The following TYW1B variants were observed in gnomAD, a reference collection of about 807,000 sequenced individuals.
TYW1B encodes the protein S-adenosyl-L-methionine-dependent tRNA 4-demethylwyosine synthase TYW1B.
In TYW1B, 73 loss-of-function variants were observed where a neutral mutation model predicts 86.9. The observed-to-expected ratio is 0.84, with a 90% confidence interval of 0.70 to 1.02. The LOEUF (loss-of-function observed/expected upper bound fraction) is 1.02. Ranked by LOEUF, TYW1B falls within the 50% of genes least tolerant of loss-of-function variation. The pLI, the probability that TYW1B is intolerant of heterozygous loss-of-function variation, is 0.00. For missense variants in TYW1B, 637 were observed against 827.4 expected (o/e 0.77, Z 2.82); for synonymous variants, 248 against 292.8 (o/e 0.85, Z 1.56).
At chr7:72,602,290 G>A (rs1210754771) in intron 13 of TYW1B, among the ~76,000 whole-genome samples, 1 of 152,156 alleles carries the variant, frequency 6.6e-6, no homozygotes, top group Non-Finnish European at 1.5e-5. Context: ...GAATAGTGAA[G>A]TAAATGGATG....
intron 6 of TYW1B, among the ~76,000 whole-genome samples, chr7:72,796,528 G>A (rs1284676112): frequency 3.3e-5 from 5 of 151,270 alleles, no homozygotes; most frequent in African/African-American, 4.9e-5. Flanking sequence ...GAGCCACCGC[G>A]CCAGGCCAAC....
intron 13 of TYW1B, among the ~76,000 whole-genome samples, chr7:72,607,407 A>G (rs1554435060): frequency 1.3e-5 from 2 of 150,914 alleles, no homozygotes; most frequent in African/African-American, 4.9e-5. Flanking sequence ...AAAAAAAAAA[A>G]AAGAAAAGAA....
intron 13 of TYW1B, among the ~76,000 whole-genome samples, chr7:72,576,554 C>T (rs1811026700): frequency 6.7e-6 from 1 of 150,280 alleles, no homozygotes. Flanking sequence ...GCTCTGTAGC[C>T]CAGGCTGGAG....
intron 1 of TYW1B, among the ~76,000 whole-genome samples, 161 bp from the exon 2 acceptor site, chr7:72,827,146 G>C (rs1258848875): frequency 6.6e-6 from 1 of 152,202 alleles, no homozygotes; most frequent in African/African-American, 2.4e-5. Context: ...AGTGGCTCAT[G>C]CCTGTAATCC....
intron 7 of TYW1B, among the ~76,000 whole-genome samples, chr7:72,775,240 G>A (rs1787934813): frequency 6.6e-6 from 1 of 152,170 alleles, no homozygotes; most frequent in African/African-American, 2.4e-5. Flanking sequence ...TGGGTGGGGA[G>A]GAGAATATTT....
chr7:72,682,967 G>C (rs1159315005), intron 11 of TYW1B, among the ~76,000 whole-genome samples: 1 of 152,186 alleles, frequency 6.6e-6, no homozygotes, highest in Non-Finnish European at 1.5e-5. Context: ...AATATACAGG[G>C]GGAAATCCCT....
At chr7:72,808,550 G>A (rs1215100623) in intron 4 of TYW1B, among the ~76,000 whole-genome samples, 4 of 131,196 alleles carry the variant, frequency 3.0e-5, no homozygotes, top group African/African-American at 5.7e-5. Flanking sequence ...TTTTTGAGAC[G>A]GAGTTTCACT....
intron 11 of TYW1B, among the ~76,000 whole-genome samples, chr7:72,653,502 G>A (rs1386975254): frequency 6.6e-6 from 1 of 152,090 alleles, no homozygotes; most frequent in Non-Finnish European, 1.5e-5. Flanking sequence ...AGCTACATGG[G>A]AGGCTGAGGC....
At chr7:72,782,129 A>AT (rs1554471752) in intron 6 of TYW1B, among the ~76,000 whole-genome samples, 2 of 151,854 alleles carry the variant, frequency 1.3e-5, no homozygotes, top group East Asian at 1.9e-4. Flanking sequence ...ACAAAAAAAA[A>AT]TTTTTTTTAA....
chr7:72,691,563 A>G (rs1467480553), intron 11 of TYW1B, among the ~76,000 whole-genome samples: 2 of 152,180 alleles, frequency 1.3e-5, no homozygotes, highest in African/African-American at 4.8e-5. Context: ...CAAAGACAGG[A>G]AGTAAACTAT....
At chr7:72,609,098 C>G (rs545295738) in intron 13 of TYW1B, among the ~76,000 whole-genome samples, 1 of 152,276 alleles carries the variant, frequency 6.6e-6, no homozygotes, top group South Asian at 2.1e-4. Flanking sequence ...TACCTGAGAC[C>G]TTTCTGTACC....
intron 11 of TYW1B, among the ~76,000 whole-genome samples, chr7:72,650,932 T>C (rs184271784): frequency 2.6e-3 from 399 of 152,332 alleles, no homozygotes; most frequent in Non-Finnish European, 4.7e-3. Flanking sequence ...ATTCAATGCA[T>C]TCTAATCAAT....
chr7:72,771,847 T>A (rs1554469687), intron 7 of TYW1B, among the ~76,000 whole-genome samples: 1 of 151,068 alleles, frequency 6.6e-6, no homozygotes, highest in Admixed American at 6.6e-5. Context: ...CATAAAGAAA[T>A]GATTTTTTTT....
intron 7 of TYW1B, among the ~76,000 whole-genome samples, chr7:72,755,742 C>T (rs1178738479): frequency 6.6e-6 from 1 of 152,152 alleles, no homozygotes; most frequent in Non-Finnish European, 1.5e-5. Context: ...GAGTGAAAAA[C>T]AGGAAGAAGA....
At chr7:72,738,667 T>C (rs1301617696) in intron 8 of TYW1B, among the ~76,000 whole-genome samples, 2 of 152,118 alleles carry the variant, frequency 1.3e-5, no homozygotes, top group African/African-American at 4.8e-5. Flanking sequence ...GAAATAGCAA[T>C]TTTGCCCCCA....
chr7:72,680,890 T>C (rs1554448370), intron 11 of TYW1B, among the ~76,000 whole-genome samples: 1 of 152,178 alleles, frequency 6.6e-6, no homozygotes, highest in Non-Finnish European at 1.5e-5. Context: ...ATAGTTACAG[T>C]GGTACTTACT....
chr7:72,580,321 G>A (rs1212183579), intron 13 of TYW1B, among the ~76,000 whole-genome samples: 1 of 152,178 alleles, frequency 6.6e-6, no homozygotes, highest in Admixed American at 6.6e-5. Context: ...ACAGCGCTGA[G>A]AGACAGCTGC....
chr7:72,699,557 C>T (rs1396250448), intron 10 of TYW1B, among the ~76,000 whole-genome samples: 2 of 152,164 alleles, frequency 1.3e-5, no homozygotes, highest in African/African-American at 4.8e-5. Context: ...CCAAAAAGCT[C>T]TAATAACCGA....
intron 8 of TYW1B, among the ~76,000 whole-genome samples, chr7:72,734,269 A>AAAAAAAAAAAAAAAAC (rs1554255459): frequency 1.4e-4 from 7 of 51,588 alleles, no homozygotes; most frequent in African/African-American, 3.3e-4. Context: ...AAAAAAAAAA[A>AAAAAAAAAAAAAAAAC]CACAACAAAA....
Sources: allele counts gnomAD v4.1 joint callset (sites outside exome capture counted in the v4.1 genomes callset), GRCh38; gene constraint gnomAD v4.1.1; transcripts MANE v1.5; gene names NCBI Gene and HGNC (gene_info 2026-07-23, HGNC 2026-07-21).